RBFOX1: variants seen among roughly 807,000 people sequenced by gnomAD.
The protein encoded by RBFOX1 is RNA binding fox-1 homolog 1.
In RBFOX1, 8 loss-of-function variants were observed where a neutral mutation model predicts 57.7. The observed-to-expected ratio is 0.14, with a 90% CI of 0.08 to 0.25. RBFOX1 has a LOEUF of 0.25. Among genes scored for constraint, RBFOX1 ranks in the 10% least tolerant of loss-of-function variants. RBFOX1 has a pLI of 1.00. For synonymous variants in RBFOX1, 326 were observed against 222.4 expected, an observed-to-expected ratio of 1.47 and a Z score of -4.15; for missense variants, 611 against 548.5, an observed-to-expected ratio of 1.11 and a Z score of -1.14.
chr16:6,612,809 G>T (rs2098081701), intron 2 of RBFOX1, among the ~76,000 whole-genome samples: 1 of 148,436 alleles, frequency 6.7e-6, no homozygotes, highest in African/African-American at 2.5e-5. Flanking sequence ...CCAAGATCAT[G>T]CCACTGCACT....
At chr16:5,350,315 T>G (rs560802182) in intron 1 of RBFOX1, among the ~76,000 whole-genome samples, 2 of 152,258 alleles carry the variant, frequency 1.3e-5, no homozygotes, top group African/African-American at 4.8e-5. Flanking sequence ...GTTGGCTGCC[T>G]GGTGGTCAGA....
intron 3 of RBFOX1, chr16:5,610,754 G>C (rs1252672139): frequency 1.3e-5 from 2 of 152,084 alleles, no homozygotes; most frequent in Non-Finnish European, 2.9e-5. Flanking sequence ...TTCAGTCCCA[G>C]CCACTCCAGA....
chr16:6,933,239 G>T (rs995647194), intron 3 of RBFOX1, among the ~76,000 whole-genome samples: 2 of 152,210 alleles, frequency 1.3e-5, no homozygotes, highest in Non-Finnish European at 2.9e-5. Context: ...GCTTTCAGTT[G>T]TCTTGGGTGT....
intron 1 of RBFOX1, among the ~76,000 whole-genome samples, chr16:6,292,145 A>G (rs2077534835): frequency 6.6e-6 from 1 of 152,224 alleles, no homozygotes; most frequent in South Asian, 2.1e-4. Context: ...CTGAAGTCCT[A>G]GCTACTTGGG....
At chr16:7,218,136 T>C (rs2092398615) in intron 4 of RBFOX1, among the ~76,000 whole-genome samples, 1 of 152,084 alleles carries the variant, frequency 6.6e-6, no homozygotes, top group Non-Finnish European at 1.5e-5. Context: ...TCAGGCTGAA[T>C]CATCCCACCT....
At chr16:7,580,561 A>G (rs1425826482) in intron 6 of RBFOX1, among the ~76,000 whole-genome samples, 1 of 152,214 alleles carries the variant, frequency 6.6e-6, no homozygotes, top group Non-Finnish European at 1.5e-5. Flanking sequence ...GCTATATGCC[A>G]TGAAGTGTAG....
At chr16:7,628,402 C>T (rs2060412709) in intron 10 of RBFOX1, among the ~76,000 whole-genome samples, 1 of 152,138 alleles carries the variant, frequency 6.6e-6, no homozygotes, top group Non-Finnish European at 1.5e-5. Context: ...GCTGCAGAGT[C>T]ACACAGGAGT....
intron 3 of RBFOX1, among the ~76,000 whole-genome samples, chr16:6,677,837 T>C (rs947785105): frequency 6.6e-6 from 1 of 152,140 alleles, no homozygotes; most frequent in Non-Finnish European, 1.5e-5. Context: ...ACCAGTGACT[T>C]TTACCCCATA....
chr16:5,373,000 C>T (rs1004828046), intron 1 of RBFOX1, among the ~76,000 whole-genome samples: 4 of 152,198 alleles, frequency 2.6e-5, no homozygotes, highest in Non-Finnish European at 5.9e-5. Flanking sequence ...TCCATCTAAA[C>T]CTCTAAAGTC....
chr16:6,098,530 C>T (rs1342292703), intron 1 of RBFOX1, among the ~76,000 whole-genome samples: 1 of 152,216 alleles, frequency 6.6e-6, no homozygotes, highest in African/African-American at 2.4e-5. Flanking sequence ...TGGAATAATT[C>T]TAAGTCAAGA....
intron 4 of RBFOX1, among the ~76,000 whole-genome samples, chr16:7,162,970 T>A (rs985099569): frequency 6.6e-6 from 1 of 152,160 alleles, no homozygotes; most frequent in African/African-American, 2.4e-5. Flanking sequence ...CTTGGGCCAG[T>A]CACCTGGCAT....
Position 6,201,805 on chromosome 16 carries a change from G to A in RBFOX1, c.-126-115190G>A, listed in dbSNP as rs570944874. On this transcript the variant is annotated intron_variant, in intron 1 of 15. Transcript: ENST00000550418. ...CCCCGTACATATGTACATCTATTTT[G>A]TGTCCATGATAATTAAAAATAAAGA... is the stretch of plus-strand genomic sequence containing the variant. Among the ~76,000 whole-genome samples, 5 of 152,154 alleles carry A rather than the reference G, an allele frequency of 3.3e-5. No individual in the cohort carries two copies. In the South Asian group the frequency reaches 6.2e-4, roughly 19 times the overall value.
intron 4 of RBFOX1, among the ~76,000 whole-genome samples, chr16:7,404,678 G>A (rs2148899983): frequency 6.6e-6 from 1 of 152,156 alleles, no homozygotes; most frequent in East Asian, 1.9e-4. Context: ...GCAAGTCTGT[G>A]GATATTAAAA....
chr16:7,048,166 A>G (rs2048695218), intron 3 of RBFOX1, among the ~76,000 whole-genome samples: 1 of 152,156 alleles, frequency 6.6e-6, no homozygotes, highest in Non-Finnish European at 1.5e-5. Context: ...GGTGTGAGCC[A>G]CCGTGCCCAG....
At chr16:6,869,392 C>T (rs1438184658) in intron 3 of RBFOX1, among the ~76,000 whole-genome samples, 1 of 151,922 alleles carries the variant, frequency 6.6e-6, no homozygotes. Flanking sequence ...AAACATGGGT[C>T]TTTCAAGCTC....
At chr16:7,001,566 C>G (rs187275156) in intron 3 of RBFOX1, among the ~76,000 whole-genome samples, 1 of 152,090 alleles carries the variant, frequency 6.6e-6, no homozygotes, top group Non-Finnish European at 1.5e-5. Flanking sequence ...AAGTGATGCT[C>G]CTACATCAGC....
intron 4 of RBFOX1, among the ~76,000 whole-genome samples, chr16:5,923,145 C>G (rs2058861831): frequency 6.6e-6 from 1 of 152,152 alleles, no homozygotes; most frequent in African/African-American, 2.4e-5. Context: ...TCAGAAAAAT[C>G]TGTAACCAGA....
chr16:5,448,188 C>T lies in RBFOX1; in HGVS notation c.220-19028C>T, dbSNP rs73526864. 2.7e-3 allele frequency among the ~76,000 whole-genome samples: 407 copies of T among 152,306 alleles called. 3 individuals are homozygous for T. The highest frequency in any genetic ancestry group is 9.4e-3 in the African/African-American group (391 of 41,568). ...GGAAATTCTGAGAGCTAAGCCTCCG[C>T]ATCTTCAACTGTGAGGGATGGTAAA... On this transcript the variant is annotated intron_variant, in intron 1 of 2. Coordinates refer to the RBFOX1 transcript ENST00000585867.
intron 7 of RBFOX1, among the ~76,000 whole-genome samples, chr16:7,593,456 C>T (rs1379224095): frequency 6.6e-6 from 1 of 152,046 alleles, no homozygotes; most frequent in African/African-American, 2.4e-5. Flanking sequence ...ACTTTGTGCA[C>T]AAGACTAAGC....
Sources: allele counts gnomAD v4.1 joint callset (sites outside exome capture counted in the v4.1 genomes callset), GRCh38; gene constraint gnomAD v4.1.1; transcripts MANE v1.5; gene names NCBI Gene and HGNC (gene_info 2026-07-23, HGNC 2026-07-21).